Variants in PDZRN4 observed in about 807,000 individuals in gnomAD.
PDZRN4 encodes PDZ domain containing ring finger 4, also known as PDZ domain-containing RING finger protein 4.
PDZRN4 carries 70 observed loss-of-function variants against 99.0 expected under a neutral mutation model. That is an observed-to-expected ratio of 0.71 (90% CI 0.58 to 0.86). The LOEUF is 0.86. Ranked by LOEUF, PDZRN4 falls within the 40% of genes least tolerant of loss-of-function variation. The pLI is 0.00. For missense variants in PDZRN4, 1,474 were observed against 1,331.2 expected (o/e 1.11, Z -1.67); for synonymous variants, 551 against 501.6 (o/e 1.10, Z -1.32).
chr12:41,506,673 C>T lies in PDZRN4; in HGVS notation c.1061C>T (p.Pro354Leu), dbSNP rs200204527. The change falls in exon 4 of 10, where the codon CCT becomes CTT. Residue 354 changes from proline to leucine, a missense_variant. Physicochemically the swap from Pro to Leu is moderately conservative, Grantham distance 98. Coordinates refer to ENST00000402685, the MANE Select transcript of PDZRN4 (RefSeq NM_001164595.2). Reference sequence around the variant, plus strand: ...CTGGCCAAGCTTCGTCCACCTACCCCTCCAGTGCCAGACATCTGTCCATTC... The same window carrying T: ...CTGGCCAAGCTTCGTCCACCTACCCTTCCAGTGCCAGACATCTGTCCATTC... ...MALAKLRPPT[P>L]PVPDICPFLL... 551 of 1,613,692 alleles carry T rather than the reference C, an allele frequency of 3.4e-4. No individual in the cohort carries two copies. The highest frequency in any genetic ancestry group is 4.4e-4 in the Non-Finnish European group (517 of 1,179,724).
chr12:41,284,476 T>G (rs1289201136), intron 3 of PDZRN4, among the ~76,000 whole-genome samples: 1 of 152,180 alleles, frequency 6.6e-6, no homozygotes, highest in East Asian at 1.9e-4. Context: ...AAGCTATTAT[T>G]GACTTTCTTC....
intron 5 of PDZRN4, among the ~76,000 whole-genome samples, chr12:41,549,673 G>A (rs1347116790): frequency 1.3e-5 from 2 of 152,104 alleles, no homozygotes; most frequent in Non-Finnish European, 2.9e-5. Context: ...TTATTAATAT[G>A]CGCTAAAGCC....
rs1352048808 is a variant in PDZRN4 at position 41,188,995 on chromosome 12, G to T, written c.540G>T (p.Ala180=). 8 of 1,537,450 alleles carry T rather than the reference G, an allele frequency of 5.2e-6. No homozygotes were observed. The highest frequency in any genetic ancestry group is 7.0e-6 in the Non-Finnish European group (8 of 1,148,756). ...AGGCGCTGCTGGCGCAGCTCTGGGC[G>T]CTGCAGGGCGAGGTGCAGCTCACGG... is the stretch of plus-strand genomic sequence containing the variant. ...REKALLAQLW[A]LQGEVQLTAR... is the part of the protein sequence containing the mutation. Residue 180 remains alanine, a synonymous_variant, in exon 1 of 10, where the codon GCG becomes GCT. Coordinates refer to ENST00000402685, the MANE Select transcript of PDZRN4 (RefSeq NM_001164595.2).
chr12:41,423,178 A>G (rs10785268), intron 3 of PDZRN4, among the ~76,000 whole-genome samples: 88,429 of 151,772 alleles, frequency 0.58, 28,116 homozygotes, highest in African/African-American at 0.87. Flanking sequence ...TAAGTTCTGG[A>G]GCACATGTGC....
At chr12:41,371,491 C>G (rs1952041287) in intron 3 of PDZRN4, among the ~76,000 whole-genome samples, 1 of 151,802 alleles carries the variant, frequency 6.6e-6, no homozygotes, top group African/African-American at 2.4e-5. Context: ...GATTTAAATC[C>G]AACTTCTTGT....
chr12:41,275,232 C>T (rs960310244), intron 3 of PDZRN4, among the ~76,000 whole-genome samples: 11 of 152,030 alleles, frequency 7.2e-5, no homozygotes, highest in Non-Finnish European at 1.0e-4. Context: ...ATAAAAAGTC[C>T]GTATTTCAGA....
intron 3 of PDZRN4, among the ~76,000 whole-genome samples, chr12:41,245,231 C>T (rs1333585300): frequency 6.6e-6 from 1 of 152,092 alleles, no homozygotes; most frequent in Non-Finnish European, 1.5e-5. Context: ...AGGGACTTTG[C>T]CTGTTTTGTT....
At chr12:41,547,115 G>A (rs1938966464) in intron 5 of PDZRN4, among the ~76,000 whole-genome samples, 1 of 152,096 alleles carries the variant, frequency 6.6e-6, no homozygotes, top group South Asian at 2.1e-4. Context: ...CTAACAAATA[G>A]CAAAGTAATT....
chr12:41,552,420 A>T (rs190292043), intron 5 of PDZRN4, among the ~76,000 whole-genome samples: 85 of 152,284 alleles, frequency 5.6e-4, no homozygotes, highest in Admixed American at 1.9e-3. Context: ...CTTGATGCAA[A>T]CAACTGTGTA....
chr12:41,418,755 C>T (rs1329496627), intron 3 of PDZRN4, among the ~76,000 whole-genome samples: 1 of 152,084 alleles, frequency 6.6e-6, no homozygotes, highest in Non-Finnish European at 1.5e-5. Flanking sequence ...TGATCTATTG[C>T]CATTTCCCTG....
At chr12:41,333,154 G>C (rs925719303) in intron 3 of PDZRN4, among the ~76,000 whole-genome samples, 1 of 152,086 alleles carries the variant, frequency 6.6e-6, no homozygotes, top group Admixed American at 6.6e-5. Flanking sequence ...CAATAACTCT[G>C]TAGGTGAATA....
At chr12:41,475,573 A>G (rs899057808) in intron 3 of PDZRN4, among the ~76,000 whole-genome samples, 1 of 152,224 alleles carries the variant, frequency 6.6e-6, no homozygotes, top group South Asian at 2.1e-4. Flanking sequence ...AAGAACATTC[A>G]CGTACTCAAA....
At chr12:41,437,396 T>A (rs956218745) in intron 3 of PDZRN4, among the ~76,000 whole-genome samples, 7 of 152,328 alleles carry the variant, frequency 4.6e-5, no homozygotes, top group Middle Eastern at 3.4e-3. Context: ...GTTTCTGAAT[T>A]TCTTATTCCC....
rs1016625337 is a variant in PDZRN4, at chr12:41,530,958, G to A, written c.1203+21045G>A. ...CCCTAGGGTAGCATACAGACCGGCAGGCTGTGGGGCTTCCACCCCACAGCA... is the reference window on the plus strand; with the variant it reads ...CCCTAGGGTAGCATACAGACCGGCAAGCTGTGGGGCTTCCACCCCACAGCA... On this transcript the variant is annotated intron_variant, in intron 5 of 9. Coordinates refer to ENST00000402685, the MANE Select transcript of PDZRN4 (RefSeq NM_001164595.2). Among the ~76,000 whole-genome samples, 10 of 152,118 alleles carry A rather than the reference G, an allele frequency of 6.6e-5. No homozygotes were observed. The East Asian group carries it at 1.9e-3, about 30-fold the overall frequency.
intron 3 of PDZRN4, among the ~76,000 whole-genome samples, chr12:41,430,192 A>T (rs1377059489): frequency 6.6e-6 from 1 of 152,192 alleles, no homozygotes; most frequent in African/African-American, 2.4e-5. Flanking sequence ...CAAATAGGCC[A>T]GGCACGGTGG....
At chr12:41,298,490 T>C (rs1275283781) in intron 3 of PDZRN4, among the ~76,000 whole-genome samples, 1 of 152,192 alleles carries the variant, frequency 6.6e-6, no homozygotes, top group Non-Finnish European at 1.5e-5. Flanking sequence ...GATACTAGTG[T>C]ACAGATTTTT....
intron 3 of PDZRN4, among the ~76,000 whole-genome samples, chr12:41,342,218 C>G (rs1345216419): frequency 6.6e-6 from 1 of 151,728 alleles, no homozygotes; most frequent in Non-Finnish European, 1.5e-5. Context: ...ATTAAAGACT[C>G]AAATATAAAC....
At chr12:41,335,882 A>G (rs903695577) in intron 3 of PDZRN4, among the ~76,000 whole-genome samples, 1 of 152,150 alleles carries the variant, frequency 6.6e-6, no homozygotes, top group Non-Finnish European at 1.5e-5. Context: ...GTTGTAATAT[A>G]ATTTATCCAA....
At chr12:41,450,026 T>C (rs1952762124) in intron 3 of PDZRN4, among the ~76,000 whole-genome samples, 1 of 151,912 alleles carries the variant, frequency 6.6e-6, no homozygotes, top group South Asian at 2.1e-4. Flanking sequence ...ATAATTATGA[T>C]AGTACTAAAA....
Sources: gnomAD v4.1 joint callset for allele counts (sites outside exome capture counted in the v4.1 genomes callset) on GRCh38, gnomAD v4.1.1 for gene constraint, MANE v1.5 for transcripts, NCBI Gene and HGNC (gene_info 2026-07-23, HGNC 2026-07-21) for gene names.